ASPSCR1: variants seen among roughly 807,000 people sequenced by gnomAD.
ASPSCR1 encodes the protein tether containing UBX domain for GLUT4.
In ASPSCR1, 55 loss-of-function variants were observed where a neutral mutation model predicts 68.9. That is an observed-to-expected ratio of 0.80 (90% CI 0.64 to 1.00). The LOEUF is 1.00. Among genes scored for constraint, ASPSCR1 ranks in the 50% least tolerant of loss-of-function variants. ASPSCR1 has a pLI of 0.00. For missense variants in ASPSCR1, 765 were observed against 762.2 expected, an observed-to-expected ratio of 1.00 and a Z score of -0.04; for synonymous variants, 352 against 332.6, an observed-to-expected ratio of 1.06 and a Z score of -0.63.
chr17:81,995,533 C>CGAGAA (rs2042308425), intron 5 of ASPSCR1: 2 of 285,706 alleles, frequency 7.0e-6, no homozygotes, highest in South Asian at 7.8e-5. Context: ...GCAGCTTCTC[C>CGAGAA]ACCCCTTCCT....
chr17:82,014,851 G>T, intron 12 of ASPSCR1: 1 of 610,538 alleles, frequency 1.6e-6, no homozygotes, highest in Non-Finnish European at 2.8e-6. Context: ...CCAGTGTCCT[G>T]GGCGGCAGCT....
At position 81,982,716 on chromosome 17, in the gene ASPSCR1, T is replaced by C. The variant is rs1034754213; in HGVS notation, c.159-838T>C. 3 of 151,964 alleles carry C rather than the reference T, an allele frequency of 2.0e-5. No individual in the cohort carries two copies. In the South Asian group the frequency reaches 6.2e-4, roughly 31 times the overall value. 9.4% of individuals were successfully genotyped at this position (151,964 alleles called of 1,614,324 possible). ...TTTGAGTATATTCAGATTTTTCTTT[T>C]CTTTTCTTTCTTTTTCTTTCTTGTT... On this transcript the variant is annotated intron_variant, in intron 2 of 15. Transcript: ENST00000306739.
Position 81,985,490 on chromosome 17 carries a change from T to G in ASPSCR1, c.274-17T>G. 1.2e-6 allele frequency: 2 copies of G among 1,612,398 alleles called. No homozygotes were observed. The highest frequency in any genetic ancestry group is 1.7e-5 in the Admixed American group (1 of 59,936). On this transcript the variant is annotated splice_polypyrimidine_tract_variant and intron_variant, in intron 3 of 15. Coordinates refer to ENST00000306739, the MANE Select transcript of ASPSCR1 (RefSeq NM_024083.4). ...CTTTTCTTCCTAAGGAAGTTTCTCATGTCTTATACCCTCCAGGTTCGCATC... is the reference window on the plus strand; with the variant it reads ...CTTTTCTTCCTAAGGAAGTTTCTCAGGTCTTATACCCTCCAGGTTCGCATC...
chr17:81,979,290 C>A, intron 2 of ASPSCR1, 51 bp downstream of exon 2: 1 of 1,575,648 alleles, frequency 6.3e-7, no homozygotes, highest in Non-Finnish European at 8.7e-7. Context: ...TGTGCCCCTG[C>A]CCCCTGAACA....
chr17:82,000,618 C>T (rs1041570469), intron 7 of ASPSCR1, among the ~76,000 whole-genome samples: 3 of 152,172 alleles, frequency 2.0e-5, no homozygotes, highest in Non-Finnish European at 4.4e-5. Flanking sequence ...AATGTTTTGC[C>T]TGTGTGTGGT....
intron 7 of ASPSCR1, among the ~76,000 whole-genome samples, chr17:82,003,685 G>A (rs2042611041): frequency 6.6e-6 from 1 of 152,246 alleles, no homozygotes; most frequent in African/African-American, 2.4e-5. Context: ...AGTTTGTGGT[G>A]TCTTCAGAGG....
chr17:82,010,855 C>A lies in ASPSCR1; in HGVS notation c.1224C>A (p.Arg408=). ...PDRYVLQGFF[R]PSETVGDLRD... is the part of the protein sequence containing the mutation. ...GCTACGTCCTACAGGGCTTCTTCCG[C>A]CCCAGCGAGACAGGTGGGCAGCGCT... The change falls in exon 10 of 16, where the codon CGC becomes CGA. Residue 408 remains arginine (R), a synonymous_variant. Transcript: ENST00000306739. 1 of 1,612,758 alleles carries A rather than the reference C, an allele frequency of 6.2e-7. No homozygotes were observed. Among genetic ancestry groups the A allele is most frequent in the Non-Finnish European group, 8.5e-7 (1 of 1,179,906 alleles).
intron 3 of ASPSCR1, among the ~76,000 whole-genome samples, chr17:81,984,852 CCACA>C (rs535826440): frequency 7.4e-6 from 1 of 135,416 alleles, no homozygotes; most frequent in Admixed American, 7.3e-5. Flanking sequence ...TGCACACACC[CCACA>C]CACACCTGCA....
In ASPSCR1 at chr17:82,011,515, G is replaced by C. The variant is rs770570579; in HGVS notation, c.1238-28G>C. 4 of 1,574,256 alleles carry C rather than the reference G, an allele frequency of 2.5e-6. No homozygotes were observed. The East Asian group carries it at 7.2e-5, about 28-fold the overall frequency. On this transcript the variant is annotated intron_variant, in intron 10 of 15. Transcript: ENST00000306739. ...CCGGGGCTGGCGTGGTGGAAGAGCT[G>C]TCTGTATGTTCTTTTTCTCCTCTGC...
In ASPSCR1 at chr17:81,985,113, C is replaced by T. The variant is rs145797114; in HGVS notation, c.274-394C>T. 2.9e-3 allele frequency among the ~76,000 whole-genome samples: 431 copies of T among 150,682 alleles called. 2 individuals are homozygous for T. The highest frequency in any genetic ancestry group is 6.8e-3 in the Middle Eastern group (2 of 292). ...ACATCTGCGCACATACCCGCACACA[C>T]CTGCATGTAAACATGCACACACACG... is the stretch of plus-strand genomic sequence containing the variant. On this transcript the variant is annotated intron_variant, in intron 3 of 15. Coordinates refer to ENST00000306739, the MANE Select transcript of ASPSCR1 (RefSeq NM_024083.4).
At chr17:82,010,972 G>A (rs2042918756) in intron 10 of ASPSCR1, 104 bp downstream of exon 10, 1 of 1,373,010 alleles carries the variant, frequency 7.3e-7, no homozygotes, top group African/African-American at 1.4e-5. Flanking sequence ...CTGGCCTGCG[G>A]GCTCCAGGGC....
intron 7 of ASPSCR1, among the ~76,000 whole-genome samples, chr17:82,003,128 G>A (rs1323235456): frequency 1.3e-5 from 2 of 152,194 alleles, no homozygotes; most frequent in African/African-American, 2.4e-5. Context: ...CATTACAGGC[G>A]TGAGCCACCG....
At chr17:81,985,026 CCAA>C (rs1222752512) in intron 3 of ASPSCR1, among the ~76,000 whole-genome samples, 2 of 128,032 alleles carry the variant, frequency 1.6e-5, no homozygotes, top group African/African-American at 6.2e-5. Context: ...ACCGCCCACA[CCAA>C]CATGCACACA....
At chr17:82,017,137 G>A in intron 15 of ASPSCR1, 24 bp downstream of exon 15, 1 of 1,572,824 alleles carries the variant, frequency 6.4e-7, no homozygotes, top group Non-Finnish European at 8.6e-7. Context: ...GTGGAAGGTG[G>A]GGTGCTGTGG....
intron 5 of ASPSCR1, 69 bp from the exon 6 acceptor site, chr17:81,995,923 C>G (rs1157116262): frequency 3.3e-6 from 5 of 1,507,506 alleles, no homozygotes; most frequent in Non-Finnish European, 4.5e-6. Context: ...GGTGCCGGTG[C>G]CCGGAGGGCT....
intron 13 of ASPSCR1, 38 bp from the exon 14 acceptor site, chr17:82,016,759 CCCT>C: frequency 6.3e-7 from 1 of 1,591,718 alleles, no homozygotes; most frequent in Non-Finnish European, 8.5e-7. Context: ...GTGAGTGGAC[CCCT>C]CCTCAGAGGC....
intron 6 of ASPSCR1, 114 bp downstream of exon 6, chr17:81,996,179 A>G (rs1429261704): frequency 7.4e-7 from 1 of 1,348,370 alleles, no homozygotes; most frequent in African/African-American, 1.5e-5. Context: ...CCAGGCCCTC[A>G]TCATGGAGAG....
intron 4 of ASPSCR1, among the ~76,000 whole-genome samples, chr17:81,989,216 A>G (rs556313903): frequency 6.6e-6 from 1 of 152,326 alleles, no homozygotes; most frequent in South Asian, 2.1e-4. Context: ...TCAGAAATAA[A>G]TATTAAATAA....
intron 7 of ASPSCR1, chr17:82,005,338 G>C (rs1042004509): frequency 6.6e-6 from 1 of 152,174 alleles, no homozygotes; most frequent in Non-Finnish European, 1.5e-5. Flanking sequence ...GTGGTCCCCC[G>C]GCTCTTGCTG....
Sources: gnomAD v4.1 joint callset for allele counts (sites outside exome capture counted in the v4.1 genomes callset) on GRCh38, gnomAD v4.1.1 for gene constraint, MANE v1.5 for transcripts, NCBI Gene and HGNC (gene_info 2026-07-23, HGNC 2026-07-21) for gene names.